FSTL5: variants seen among roughly 807,000 people sequenced by gnomAD.
FSTL5 encodes follistatin like 5.
A neutral mutation model predicts 89.1 loss-of-function variants in FSTL5; 62 were observed. The ratio of observed to expected loss-of-function variants is 0.70; its 90% CI spans 0.57 to 0.86. FSTL5 has a LOEUF of 0.86. FSTL5 is among the 40% of genes least tolerant of loss of function. The probability of loss-of-function intolerance (pLI) is 0.00; values close to 1 mark genes in which losing one functional copy is unlikely to be tolerated. For synonymous variants in FSTL5, 383 were observed against 346.2 expected, an observed-to-expected ratio of 1.11 and a Z score of -1.18; for missense variants, 1,057 against 1,001.6, an observed-to-expected ratio of 1.06 and a Z score of -0.75.
intron 1 of FSTL5, among the ~76,000 whole-genome samples, chr4:162,151,185 G>C: frequency 6.6e-6 from 1 of 151,518 alleles, no homozygotes; most frequent in East Asian, 1.9e-4. Flanking sequence ...CTGATAAAAA[G>C]AAAAAAGAAA....
chr4:161,491,109 T>A (rs891209391), intron 12 of FSTL5, among the ~76,000 whole-genome samples: 2 of 151,872 alleles, frequency 1.3e-5, no homozygotes, highest in African/African-American at 4.8e-5. Context: ...GGGCTCTTTT[T>A]TACTAAAAAT....
chr4:161,718,614 G>T (rs1363154622), intron 6 of FSTL5, among the ~76,000 whole-genome samples: 2 of 152,064 alleles, frequency 1.3e-5, no homozygotes, highest in Admixed American at 1.3e-4. Context: ...ATTTTTAGTA[G>T]AGATGGGGTT....
At chr4:161,523,568 G>A (rs1478796647) in intron 10 of FSTL5, among the ~76,000 whole-genome samples, 1 of 152,164 alleles carries the variant, frequency 6.6e-6, no homozygotes, top group African/African-American at 2.4e-5. Context: ...GTTCACATAG[G>A]CTGGTAAGCC....
intron 4 of FSTL5, among the ~76,000 whole-genome samples, chr4:161,835,782 A>G (rs1376202483): frequency 6.6e-6 from 1 of 152,180 alleles, no homozygotes; most frequent in Admixed American, 6.5e-5. Context: ...TAGAATGGCA[A>G]TCATTAAAAA....
rs73863207 is a variant in FSTL5 at position 162,144,083 on chromosome 4, A to G, written c.-17+19532T>C. ...TGGCAGAGCTTAAAGCTTTAGTTATAGCACAGCAAACACAGTGAAGAACAG... is the reference window on the plus strand; with the variant it reads ...TGGCAGAGCTTAAAGCTTTAGTTATGGCACAGCAAACACAGTGAAGAACAG... On this transcript the variant is annotated intron_variant, in intron 1 of 15. Transcript: ENST00000306100. 7.0e-3 allele frequency among the ~76,000 whole-genome samples: 1,072 copies of G among 152,292 alleles called. 15 individuals are homozygous for G. Among genetic ancestry groups the G allele is most frequent in the African/African-American group, 0.025 (1,019 of 41,572 alleles).
In FSTL5 at chr4:161,542,520, A is replaced by T; in HGVS notation, c.1177+12T>A. On this transcript the variant is annotated intron_variant, in intron 9 of 15. Transcript: ENST00000306100. ...TGGTCATTTAAGAGAAAAAAAAGCAAGTAAAAAGCACCTTGAAGCGTGAGT... is the reference window on the plus strand; with the variant it reads ...TGGTCATTTAAGAGAAAAAAAAGCATGTAAAAAGCACCTTGAAGCGTGAGT... The T allele has an allele frequency of 7.1e-7, 1 of 1,404,306 alleles. No individual in the cohort carries two copies. The highest frequency in any genetic ancestry group is 9.4e-7 in the Non-Finnish European group (1 of 1,066,336). The allele number at this position is 1,404,306 out of a possible 1,614,324, so 87.0% of individuals were successfully genotyped here. A position where few individuals can be genotyped will look rare whatever the true frequency, so the allele number is the denominator to read the frequency against.
chr4:161,527,975 A>G (rs1193279643), intron 10 of FSTL5, among the ~76,000 whole-genome samples: 8 of 150,710 alleles, frequency 5.3e-5, no homozygotes, highest in Non-Finnish European at 8.8e-5. Context: ...ATAAAAAATG[A>G]TGAGTTCATG....
At chr4:161,496,296 G>C (rs1730065843) in intron 12 of FSTL5, among the ~76,000 whole-genome samples, 1 of 152,138 alleles carries the variant, frequency 6.6e-6, no homozygotes, top group Non-Finnish European at 1.5e-5. Context: ...AGGAAGATGT[G>C]ATGGTTGATT....
At chr4:161,553,764 GA>G (rs1302127892) in intron 8 of FSTL5, among the ~76,000 whole-genome samples, 3 of 151,344 alleles carry the variant, frequency 2.0e-5, no homozygotes, top group African/African-American at 4.8e-5. Context: ...AGAGATCCTG[GA>G]AAAAAATCAT....
intron 1 of FSTL5, among the ~76,000 whole-genome samples, chr4:162,115,703 A>G (rs939298152): frequency 6.6e-6 from 1 of 152,198 alleles, no homozygotes; most frequent in African/African-American, 2.4e-5. Flanking sequence ...CAGATCTAAC[A>G]AAGTGAGACT....
chr4:161,619,675 A>G (rs1410383895), intron 7 of FSTL5, among the ~76,000 whole-genome samples: 2 of 152,152 alleles, frequency 1.3e-5, no homozygotes, highest in Non-Finnish European at 2.9e-5. Flanking sequence ...CAATCATTAA[A>G]AAGTCAGGAA....
intron 4 of FSTL5, among the ~76,000 whole-genome samples, chr4:161,833,395 G>A (rs2126863730): frequency 6.8e-6 from 1 of 146,358 alleles, no homozygotes; most frequent in East Asian, 2.0e-4. Flanking sequence ...TGTCTATTAG[G>A]TCCTCTTGGT....
chr4:161,994,910 G>T (rs1208740637), intron 3 of FSTL5, among the ~76,000 whole-genome samples: 1 of 152,136 alleles, frequency 6.6e-6, no homozygotes, highest in East Asian at 1.9e-4. Flanking sequence ...GTCAATTTTT[G>T]CTTTTGTTGT....
At chr4:161,883,108 G>A (rs537551027) in intron 4 of FSTL5, among the ~76,000 whole-genome samples, 10 of 152,260 alleles carry the variant, frequency 6.6e-5, no homozygotes, top group African/African-American at 2.2e-4. Flanking sequence ...TCTGGGAAGT[G>A]TGATTTTGTT....
intron 7 of FSTL5, among the ~76,000 whole-genome samples, chr4:161,619,296 C>T (rs908725419): frequency 2.6e-5 from 4 of 151,938 alleles, no homozygotes; most frequent in African/African-American, 7.3e-5. Context: ...ACTTCATGTC[C>T]AAAACACCAA....
At chr4:161,742,829 C>T (rs1356405313) in intron 6 of FSTL5, among the ~76,000 whole-genome samples, 2 of 151,896 alleles carry the variant, frequency 1.3e-5, no homozygotes, top group African/African-American at 2.4e-5. Context: ...CAATAAAAGC[C>T]GATGGCCATC....
intron 6 of FSTL5, among the ~76,000 whole-genome samples, chr4:161,727,960 GC>G (rs1739476456): frequency 6.6e-6 from 1 of 152,108 alleles, no homozygotes; most frequent in African/African-American, 2.4e-5. Context: ...TCCAGCCCTG[GC>G]GACAGAGCTA....
At chr4:161,545,557 T>G (rs1731975390) in intron 8 of FSTL5, among the ~76,000 whole-genome samples, 1 of 151,994 alleles carries the variant, frequency 6.6e-6, no homozygotes, top group African/African-American at 2.4e-5. Context: ...GGTTTACAAA[T>G]ACATGCCAAT....
At chr4:161,816,868 T>C (rs977063017) in intron 4 of FSTL5, among the ~76,000 whole-genome samples, 1 of 152,160 alleles carries the variant, frequency 6.6e-6, no homozygotes. Flanking sequence ...GCAACAATAT[T>C]GTCCAATGTT....
Sources: gnomAD v4.1 joint callset for allele counts (sites outside exome capture counted in the v4.1 genomes callset) on GRCh38, gnomAD v4.1.1 for gene constraint, MANE v1.5 for transcripts, NCBI Gene and HGNC (gene_info 2026-07-23, HGNC 2026-07-21) for gene names.